Variants in TLN2 observed in about 807,000 individuals in gnomAD.
TLN2 encodes talin 2, also known as talin-2.
In TLN2, 118 loss-of-function variants were observed where a neutral mutation model predicts 294.7. That is an observed-to-expected ratio of 0.40 (90% confidence interval 0.34 to 0.47). The LOEUF (loss-of-function observed/expected upper bound fraction) is 0.47, where lower values mean the gene tolerates loss of function less well. Among genes scored for constraint, TLN2 ranks in the 20% least tolerant of loss-of-function variants. The probability of loss-of-function intolerance (pLI) is 0.84; values close to 1 mark genes in which losing one functional copy is unlikely to be tolerated. For synonymous variants in TLN2, 1,431 were observed against 1,304.5 expected (o/e 1.10, Z -2.09); for missense variants, 3,083 against 3,282.2 (o/e 0.94, Z 1.48).
At chr15:62,491,326 C>CAAAAAA (rs775626928) in intron 1 of TLN2, among the ~76,000 whole-genome samples, 1 of 99,008 alleles carries the variant, frequency 1.0e-5, no homozygotes, top group Non-Finnish European at 2.1e-5. Context: ...GACTCTGTCT[C>CAAAAAA]AAAAAAAAAA....
chr15:62,604,112 C>A (rs1383498066), intron 2 of TLN2, among the ~76,000 whole-genome samples: 1 of 151,946 alleles, frequency 6.6e-6, no homozygotes, highest in Admixed American at 6.6e-5. Flanking sequence ...TTTCCTTAAC[C>A]CTTTAAAATT....
intron 1 of TLN2, among the ~76,000 whole-genome samples, chr15:62,541,729 T>C (rs1473153783): frequency 6.6e-6 from 1 of 152,158 alleles, no homozygotes; most frequent in African/African-American, 2.4e-5. Context: ...AATTCAGTTT[T>C]CATTGCATTA....
chr15:62,555,247 TA>T (rs1283188330), intron 1 of TLN2, among the ~76,000 whole-genome samples: 9 of 152,208 alleles, frequency 5.9e-5, no homozygotes, highest in Non-Finnish European at 1.2e-4. Flanking sequence ...ATTTTATTCC[TA>T]AAAAATAGCA....
chr15:62,460,964 A>G (rs1188132758), intron 1 of TLN2, among the ~76,000 whole-genome samples: 1 of 151,368 alleles, frequency 6.6e-6, no homozygotes, highest in Non-Finnish European at 1.5e-5. Flanking sequence ...TTTTATTTTT[A>G]AGACAGAGTC....
chr15:62,787,406 C>T (rs1389971498), intron 45 of TLN2, among the ~76,000 whole-genome samples: 1 of 152,098 alleles, frequency 6.6e-6, no homozygotes, highest in Non-Finnish European at 1.5e-5. Flanking sequence ...GGAATCAGAT[C>T]CAAAACTTCA....
chr15:62,771,187 C>G, intron 42 of TLN2, 53 bp downstream of exon 42: 1 of 1,520,452 alleles, frequency 6.6e-7, no homozygotes, highest in South Asian at 1.3e-5. Flanking sequence ...AGCCATCATG[C>G]ATTCCTGCTG....
intron 54 of TLN2, chr15:62,829,716 G>A (rs888544968): frequency 1.3e-5 from 2 of 152,164 alleles, no homozygotes; most frequent in African/African-American, 4.8e-5. Context: ...TAGTCACCCT[G>A]TTGTGCTGTC....
chr15:62,689,466 T>C (rs2057588199), intron 12 of TLN2, among the ~76,000 whole-genome samples: 1 of 152,224 alleles, frequency 6.6e-6, no homozygotes, highest in Non-Finnish European at 1.5e-5. Flanking sequence ...TATTTTTATC[T>C]ACCCCATTGT....
chr15:62,765,530 G>A (rs547541373), intron 40 of TLN2, among the ~76,000 whole-genome samples: 4 of 152,008 alleles, frequency 2.6e-5, no homozygotes, highest in East Asian at 1.9e-4. Flanking sequence ...GACGTAAAAC[G>A]CCCAGTGCAC....
At chr15:62,597,975 G>C (rs75507049) in intron 2 of TLN2, among the ~76,000 whole-genome samples, 2,804 of 152,244 alleles carry the variant, frequency 0.018, 59 homozygotes, top group South Asian at 0.069. Context: ...GAACATTTCA[G>C]GTTTCAGATT....
Position 62,653,143 on chromosome 15 carries a change from C to A in TLN2, c.365-19C>A. 2.0e-6 allele frequency: 3 copies of A among 1,518,056 alleles called. No homozygotes were observed. Among genetic ancestry groups the A allele is most frequent in the Non-Finnish European group, 2.7e-6 (3 of 1,128,894 alleles). 94.0% of individuals were successfully genotyped at this position (1,518,056 alleles called of 1,614,324 possible). A position where few individuals can be genotyped will look rare whatever the true frequency, so the allele number is the denominator to read the frequency against. On this transcript the variant is annotated intron_variant, in intron 6 of 58. Transcript: ENST00000636159. ...GCAGTTTAATTATTTATAATTATAACCTAATTTCCAATGTTTAGGAATAAC... is the reference window on the plus strand; with the variant it reads ...GCAGTTTAATTATTTATAATTATAAACTAATTTCCAATGTTTAGGAATAAC...
intron 14 of TLN2, 68 bp from the exon 15 acceptor site, chr15:62,697,620 G>C: frequency 2.0e-6 from 3 of 1,511,666 alleles, no homozygotes; most frequent in South Asian, 1.3e-5. Flanking sequence ...CGTGACATCT[G>C]TGGGGTCTCC....
chr15:62,644,211 A>G (rs567499356), intron 3 of TLN2, among the ~76,000 whole-genome samples: 1 of 143,744 alleles, frequency 7.0e-6, no homozygotes, highest in Non-Finnish European at 1.5e-5. Context: ...TTCAGTTGCA[A>G]TGTCTCAGTT....
chr15:62,766,461 T>C, intron 41 of TLN2, 39 bp downstream of exon 41: 1 of 1,557,168 alleles, frequency 6.4e-7, no homozygotes, highest in Non-Finnish European at 8.8e-7. Flanking sequence ...GGTGTGCGTG[T>C]TATCACAGGA....
At chr15:62,737,313 G>A (rs190731658) in intron 29 of TLN2, among the ~76,000 whole-genome samples, 7 of 152,352 alleles carry the variant, frequency 4.6e-5, no homozygotes, top group Non-Finnish European at 2.9e-5. Flanking sequence ...ACAGTCAGCA[G>A]AGGGCATGGG....
intron 3 of TLN2, among the ~76,000 whole-genome samples, chr15:62,620,607 T>G (rs1320346266): frequency 1.3e-5 from 2 of 151,658 alleles, no homozygotes; most frequent in Non-Finnish European, 2.9e-5. Flanking sequence ...GCCTCCCTAA[T>G]AGCGGGCACT....
chr15:62,630,395 C>A (rs1189726093), intron 3 of TLN2, among the ~76,000 whole-genome samples: 1 of 152,134 alleles, frequency 6.6e-6, no homozygotes, highest in Non-Finnish European at 1.5e-5. Context: ...ACTTGACTCC[C>A]TGATATTTTT....
chr15:62,696,861 G>T (rs1034332484), intron 14 of TLN2, among the ~76,000 whole-genome samples: 1 of 152,138 alleles, frequency 6.6e-6, no homozygotes, highest in Non-Finnish European at 1.5e-5. Context: ...AATGGTGGTG[G>T]ACCTGAGGAC....
intron 1 of TLN2, among the ~76,000 whole-genome samples, chr15:62,580,422 CCCTT>C (rs1230402148): frequency 7.2e-6 from 1 of 139,378 alleles, no homozygotes; most frequent in Non-Finnish European, 1.6e-5. Context: ...CTCCCTCCCT[CCCTT>C]CCTTCCCATT....
Sources: gnomAD v4.1 joint callset for allele counts (sites outside exome capture counted in the v4.1 genomes callset) on GRCh38, gnomAD v4.1.1 for gene constraint, MANE v1.5 for transcripts, NCBI Gene and HGNC (gene_info 2026-07-23, HGNC 2026-07-21) for gene names.